MACF1: variants seen among roughly 807,000 people sequenced by gnomAD.
The protein encoded by MACF1 is microtubule actin crosslinking factor 1.
A neutral mutation model predicts 854.8 loss-of-function variants in MACF1; 193 were observed. That is an observed-to-expected ratio of 0.23 (90% confidence interval 0.20 to 0.25). The LOEUF (loss-of-function observed/expected upper bound fraction) is 0.25, where lower values mean the gene tolerates loss of function less well. MACF1 is among the 10% of genes least tolerant of loss of function. The pLI is 1.00. For missense variants in MACF1, 7,722 were observed against 8,929.1 expected (o/e 0.86, Z 5.45); for synonymous variants, 3,185 against 3,226.7 (o/e 0.99, Z 0.44).
At chr1:39,163,020 T>C (rs1281102267) in intron 2 of MACF1, among the ~76,000 whole-genome samples, 1 of 152,170 alleles carries the variant, frequency 6.6e-6, no homozygotes, top group African/African-American at 2.4e-5. Context: ...ATGCTTTTTG[T>C]GGGTTTTCTC....
intron 38 of MACF1, among the ~76,000 whole-genome samples, chr1:39,339,292 A>G (rs554197197): frequency 6.6e-6 from 1 of 152,338 alleles, no homozygotes; most frequent in Non-Finnish European, 1.5e-5. Flanking sequence ...AAGCACTGCC[A>G]TTTAAAGGAC....
chr1:39,383,535 T>C (rs1650428778), intron 56 of MACF1, among the ~76,000 whole-genome samples: 1 of 152,202 alleles, frequency 6.6e-6, no homozygotes, highest in Admixed American at 6.5e-5. Flanking sequence ...GTAAGTAACA[T>C]ATTTTTAATG....
intron 58 of MACF1, among the ~76,000 whole-genome samples, chr1:39,404,086 C>T (rs772025754): frequency 1.1e-4 from 16 of 150,934 alleles, no homozygotes; most frequent in Non-Finnish European, 2.2e-4. Context: ...CGAGATCGTG[C>T]CACTGCATTC....
Position 39,409,169 on chromosome 1 carries a change from C to T in MACF1, c.15817-13205C>T, listed in dbSNP as rs1642863628. On this transcript the variant is annotated intron_variant, in intron 58 of 100. Coordinates refer to ENST00000564288, the MANE Select transcript of MACF1 (RefSeq NM_001394062.1). The surrounding 1 kb of genome is among the most constrained non-coding windows in gnomAD (Gnocchi z 4.2). ...CCCTAGCGGAGCCTTTTGTTCCCAG[C>T]CAGAAGTTTGCATGCCGGGACCGTG... 6.6e-6 allele frequency among the ~76,000 whole-genome samples: 1 copy of T among 152,088 alleles called. No homozygotes were observed. Among genetic ancestry groups the T allele is most frequent in the African/African-American group, 2.4e-5 (1 of 41,442 alleles).
intron 57 of MACF1, among the ~76,000 whole-genome samples, chr1:39,386,626 T>A (rs1433211281): frequency 2.0e-5 from 3 of 152,166 alleles, no homozygotes; most frequent in Admixed American, 2.0e-4. Context: ...GAGACGGTGT[T>A]TCACCATGTT....
intron 2 of MACF1, among the ~76,000 whole-genome samples, chr1:39,178,849 G>T (rs1023715231): frequency 6.6e-6 from 1 of 152,182 alleles, no homozygotes; most frequent in Non-Finnish European, 1.5e-5. Context: ...TTTCTAACTG[G>T]TAAAATGGTT....
intron 58 of MACF1, among the ~76,000 whole-genome samples, chr1:39,408,116 A>T (rs538310395): frequency 8.5e-5 from 13 of 152,284 alleles, no homozygotes; most frequent in Admixed American, 3.3e-4. Context: ...AAGGAGGCTC[A>T]GGTTTCCTTG....
At chr1:39,178,903 T>C (rs1455752079) in intron 2 of MACF1, among the ~76,000 whole-genome samples, 2 of 152,244 alleles carry the variant, frequency 1.3e-5, no homozygotes, top group Admixed American at 1.3e-4. Context: ...TGCTTTATTG[T>C]CAGCCTTAGC....
At chr1:39,435,535 G>A (rs1368977701) in intron 69 of MACF1, 23 bp from the exon 70 acceptor site, 2 of 1,577,748 alleles carry the variant, frequency 1.3e-6, no homozygotes, top group Non-Finnish European at 1.7e-6. Context: ...TACTCATTAT[G>A]GTTTAATTCT....
At chr1:39,302,824 A>AT (rs1451181867) in intron 22 of MACF1, 100 bp from the exon 23 acceptor site, 4 of 1,196,472 alleles carry the variant, frequency 3.3e-6, no homozygotes, top group Non-Finnish European at 3.5e-6. Flanking sequence ...TCTTAAGCAG[A>AT]TTTTTTTCTT....
At chr1:39,175,880 A>G (rs1407500053) in intron 2 of MACF1, among the ~76,000 whole-genome samples, 19 of 149,278 alleles carry the variant, frequency 1.3e-4, no homozygotes, top group Admixed American at 2.7e-4. Flanking sequence ...GGTGGATCAC[A>G]AGGTCAGGAG....
intron 1 of MACF1, among the ~76,000 whole-genome samples, chr1:39,230,073 T>C (rs968405087): frequency 6.6e-6 from 1 of 152,182 alleles, no homozygotes; most frequent in African/African-American, 2.4e-5. Flanking sequence ...TGGCTGTAGA[T>C]GTCCTTAATG....
chr1:39,393,144 C>G (rs1272408299), intron 58 of MACF1, among the ~76,000 whole-genome samples: 1 of 137,988 alleles, frequency 7.2e-6, no homozygotes, highest in Non-Finnish European at 1.5e-5. Flanking sequence ...GAAACTTGAG[C>G]CAAAGAATTC....
At chr1:39,408,154 T>G (rs955597305) in intron 58 of MACF1, among the ~76,000 whole-genome samples, 1 of 152,104 alleles carries the variant, frequency 6.6e-6, no homozygotes, top group Admixed American at 6.5e-5. Flanking sequence ...AGGACCCAGG[T>G]GTTTGGTCGT....
intron 2 of MACF1, among the ~76,000 whole-genome samples, chr1:39,151,561 A>G (rs1643579061): frequency 6.6e-6 from 1 of 152,160 alleles, no homozygotes; most frequent in African/African-American, 2.4e-5. Context: ...AGTTGCTTAA[A>G]TGCTTCATGT....
chr1:39,194,673 T>TCTCCCCTCCCCTCCCCTCCC (rs1004084228), intron 2 of MACF1, among the ~76,000 whole-genome samples: 1 of 147,032 alleles, frequency 6.8e-6, no homozygotes. Flanking sequence ...CCTGCCTTCC[T>TCTCCCCTCCCCTCCCCTCCC]CTCCCCTCCC....
intron 72 of MACF1, 116 bp downstream of exon 72, chr1:39,439,616 TG>T (rs1644057611): frequency 6.7e-6 from 5 of 750,944 alleles, no homozygotes; most frequent in Non-Finnish European, 1.1e-5. Context: ...TAAAGGTTTT[TG>T]TTTTTGTTTT....
Position 39,231,183 on chromosome 1 carries a change from T to C in MACF1, c.111T>C (p.Asp37=). ...GCCTTCTCTGTGTTTCCTTTACAGA[T>C]GAACGGGACCGGGTTCAGAAGAAAA... ...YWKRHARGRA[D]ERDRVQKKTF... Residue 37 remains aspartate, a splice_region_variant and synonymous_variant, in exon 2 of 101, where the codon GAT becomes GAC. Coordinates refer to ENST00000564288, the MANE Select transcript of MACF1 (RefSeq NM_001394062.1). 6.2e-7 allele frequency: 1 copy of C among 1,614,198 alleles called. No homozygotes were observed. Among genetic ancestry groups the C allele is most frequent in the South Asian group, 1.1e-5 (1 of 91,088 alleles).
chr1:39,419,468 AT>A (rs1365625566), intron 58 of MACF1, among the ~76,000 whole-genome samples: 1 of 152,130 alleles, frequency 6.6e-6, no homozygotes, highest in Admixed American at 6.5e-5. Context: ...CAGATTTCAG[AT>A]TTTCAGATTT....
Sources: gnomAD v4.1 joint callset for allele counts (sites outside exome capture counted in the v4.1 genomes callset) on GRCh38, gnomAD v4.1.1 for gene constraint, Gnocchi (gnomAD v3.1) non-coding constraint, MANE v1.5 for transcripts, NCBI Gene and HGNC (gene_info 2026-07-23, HGNC 2026-07-21) for gene names.